IQGAP1: variants seen among roughly 807,000 people sequenced by gnomAD.
IQGAP1 encodes ras GTPase-activating-like protein IQGAP1.
A neutral mutation model predicts 215.6 loss-of-function variants in IQGAP1; 66 were observed. The observed-to-expected ratio is 0.31, with a 90% CI of 0.25 to 0.38. The LOEUF (loss-of-function observed/expected upper bound fraction) is 0.38. IQGAP1 is among the 10% of genes least tolerant of loss of function. IQGAP1 has a pLI of 1.00. For synonymous variants in IQGAP1, 772 were observed against 728.7 expected (o/e 1.06, Z -0.96); for missense variants, 1,712 against 1,997.1 (o/e 0.86, Z 2.72).
rs766046571 is a variant in IQGAP1 at position 90,492,750 on chromosome 15, T to A, written c.4628+39T>A. 15 of 1,549,972 alleles carry A rather than the reference T, an allele frequency of 9.7e-6. No individual in the cohort carries two copies. In the Admixed American group the frequency reaches 2.7e-4, roughly 28 times the overall value. On this transcript the variant is annotated intron_variant, in intron 35 of 37. Coordinates refer to ENST00000268182, the MANE Select transcript of IQGAP1 (RefSeq NM_003870.4). ...CTTTTTAAAGAATCAATGTCAGAAT[T>A]AGAGTGAGGAAAAAGCAGAGGCAAC... is the stretch of plus-strand genomic sequence containing the variant.
intron 2 of IQGAP1, among the ~76,000 whole-genome samples, chr15:90,404,724 G>A (rs186627544): frequency 3.1e-4 from 47 of 151,448 alleles, no homozygotes; most frequent in African/African-American, 1.1e-3. Flanking sequence ...GATTACAGGC[G>A]CGTATCACCA....
chr15:90,487,160 G>C, intron 32 of IQGAP1, 71 bp downstream of exon 32: 1 of 1,500,554 alleles, frequency 6.7e-7, no homozygotes, highest in Non-Finnish European at 9.2e-7. Flanking sequence ...AGAGGAACCT[G>C]CTGGGTCCTA....
At chr15:90,390,640 C>T (rs1279880334) in intron 1 of IQGAP1, 134 bp from the exon 2 acceptor site, 1 of 589,082 alleles carries the variant, frequency 1.7e-6, no homozygotes, top group East Asian at 2.8e-5. Flanking sequence ...CATTGTAGTA[C>T]ACCTGGCTGG....
chr15:90,472,305 A>G (rs1347857906), intron 18 of IQGAP1, among the ~76,000 whole-genome samples: 1 of 152,130 alleles, frequency 6.6e-6, no homozygotes, highest in East Asian at 1.9e-4. Flanking sequence ...TGATTGTTTT[A>G]TTCCTTTGCT....
At chr15:90,472,798 C>G in intron 18 of IQGAP1, 42 bp from the exon 19 acceptor site, 2 of 1,563,732 alleles carry the variant, frequency 1.3e-6, no homozygotes, top group Non-Finnish European at 1.7e-6. Context: ...TGCATCCATT[C>G]TTGCCTGTGA....
Position 90,449,599 on chromosome 15 carries a change from C to G in IQGAP1, c.1118C>G (p.Ser373Cys). ...CCCCTGCAGAAGGAGGAGCTGCAGTCTGGAGTGGATGCTGCAAACAGTGCT... is the reference window on the plus strand; with the variant it reads ...CCCCTGCAGAAGGAGGAGCTGCAGTGTGGAGTGGATGCTGCAAACAGTGCT... ...TDPLQKEELQSGVDAANSAAQ... is the reference protein window; with the variant it reads ...TDPLQKEELQCGVDAANSAAQ... The change falls in exon 11 of 38, where the codon TCT (serine) becomes TGT (cysteine). Residue 373 changes from serine to cysteine, a missense_variant. Coordinates refer to ENST00000268182, the MANE Select transcript of IQGAP1 (RefSeq NM_003870.4). 6.2e-7 allele frequency: 1 copy of G among 1,613,144 alleles called. No homozygotes were observed. Among genetic ancestry groups the G allele is most frequent in the African/African-American group, 1.3e-5 (1 of 75,010 alleles).
At chr15:90,410,694 G>T (rs1964948935) in intron 2 of IQGAP1, among the ~76,000 whole-genome samples, 1 of 151,640 alleles carries the variant, frequency 6.6e-6, no homozygotes, top group Non-Finnish European at 1.5e-5. Flanking sequence ...TGTGGGGTAG[G>T]GGGAGGGGAG....
At chr15:90,409,810 G>C (rs545542400) in intron 2 of IQGAP1, among the ~76,000 whole-genome samples, 2 of 152,160 alleles carry the variant, frequency 1.3e-5, no homozygotes, top group Non-Finnish European at 1.5e-5. Context: ...TCCAGCACCT[G>C]TTGTTTCCTG....
rs138262667 is a variant in IQGAP1, at chr15:90,407,830, A to G, written c.155+16957A>G. ...CCATTGTTCAGGACACTCTGGGAGAACTGAAGAAGATGCGAAAGTATAAAA... is the reference window on the plus strand; with the variant it reads ...CCATTGTTCAGGACACTCTGGGAGAGCTGAAGAAGATGCGAAAGTATAAAA... On this transcript the variant is annotated intron_variant, in intron 2 of 37. Coordinates refer to ENST00000268182, the MANE Select transcript of IQGAP1 (RefSeq NM_003870.4). Among the ~76,000 whole-genome samples, 14 of 152,348 alleles carry G rather than the reference A, an allele frequency of 9.2e-5. No individual in the cohort carries two copies. In the East Asian group the frequency reaches 2.7e-3, roughly 29 times the overall value.
chr15:90,457,685 G>A (rs1802097891), intron 15 of IQGAP1, among the ~76,000 whole-genome samples: 2 of 148,010 alleles, frequency 1.4e-5, no homozygotes, highest in African/African-American at 5.0e-5. Flanking sequence ...CAAGTGATCT[G>A]CCCGCCTCAG....
intron 6 of IQGAP1, among the ~76,000 whole-genome samples, chr15:90,440,223 A>G (rs567393851): frequency 6.6e-6 from 1 of 152,350 alleles, no homozygotes; most frequent in South Asian, 2.1e-4. Flanking sequence ...AGTTCATTGT[A>G]GGAAATGCCA....
chr15:90,422,311 C>G (rs1389909344), intron 2 of IQGAP1, among the ~76,000 whole-genome samples: 5 of 152,096 alleles, frequency 3.3e-5, no homozygotes, highest in Non-Finnish European at 5.9e-5. Context: ...TTATTAGCCT[C>G]TGAGCAGGCT....
intron 30 of IQGAP1, 137 bp from the exon 31 acceptor site, chr15:90,485,893 C>T (rs1966119697): frequency 1.6e-6 from 1 of 624,422 alleles, no homozygotes; most frequent in African/African-American, 1.8e-5. Context: ...GGTTAGTTTG[C>T]TGAGGATTTG....
intron 2 of IQGAP1, among the ~76,000 whole-genome samples, chr15:90,422,480 CAT>C (rs1478073609): frequency 6.6e-6 from 1 of 151,662 alleles, no homozygotes; most frequent in Non-Finnish European, 1.5e-5. Flanking sequence ...TTAGAAATGA[CAT>C]AAATGTCTAA....
intron 2 of IQGAP1, among the ~76,000 whole-genome samples, chr15:90,407,657 T>C (rs955194383): frequency 2.6e-5 from 4 of 152,246 alleles, no homozygotes; most frequent in African/African-American, 9.6e-5. Context: ...AATTTTTATT[T>C]CATTTCCTGT....
rs201802398 is a variant in IQGAP1 at position 90,482,236 on chromosome 15, G to C, written c.3510G>C (p.Ser1170=). The C allele has an allele frequency of 4.3e-6, 7 of 1,614,168 alleles. No homozygotes were observed. The Middle Eastern group carries it at 4.9e-4, about 114-fold the overall frequency. The change falls in exon 28 of 38, where the codon TCG becomes TCC. Residue 1170 remains serine, a synonymous_variant. Transcript: ENST00000268182. ...MRFIAKVLKD[S]LHEKFPDAGE... ...TCATTGCCAAAGTGCTGAAGGACTC[G>C]TTGCATGAGAAGTTCCCTGATGCTG... is the stretch of plus-strand genomic sequence containing the variant.
At chr15:90,443,187 T>C (rs1489818909) in intron 8 of IQGAP1, among the ~76,000 whole-genome samples, 6 of 152,160 alleles carry the variant, frequency 3.9e-5, no homozygotes, top group Non-Finnish European at 8.8e-5. Context: ...TCTCAAACTC[T>C]TGGCTTCAAG....
At chr15:90,496,430 A>G (rs1253798636) in intron 36 of IQGAP1, among the ~76,000 whole-genome samples, 5 of 148,956 alleles carry the variant, frequency 3.4e-5, no homozygotes, top group Non-Finnish European at 7.4e-5. Context: ...GGTTCAATCA[A>G]TTCTCCTGCC....
intron 29 of IQGAP1, among the ~76,000 whole-genome samples, 177 bp from the exon 30 acceptor site, chr15:90,484,043 T>C (rs990047089): frequency 6.6e-6 from 1 of 152,154 alleles, no homozygotes; most frequent in African/African-American, 2.4e-5. Flanking sequence ...GAGAAAGAAG[T>C]TATTCGAACC....
Sources: gnomAD v4.1 joint callset for allele counts (sites outside exome capture counted in the v4.1 genomes callset) on GRCh38, gnomAD v4.1.1 for gene constraint, MANE v1.5 for transcripts, NCBI Gene and HGNC (gene_info 2026-07-23, HGNC 2026-07-21) for gene names.